The following TNFRSF10B variants were observed in gnomAD, a reference collection of about 807,000 sequenced individuals.
TNFRSF10B encodes tumor necrosis factor receptor superfamily member 10B.
Under a neutral mutation model 41.4 loss-of-function variants are expected in TNFRSF10B, and 35 were observed. The observed-to-expected ratio is 0.85, with a 90% CI of 0.65 to 1.12. TNFRSF10B has a LOEUF of 1.12. TNFRSF10B is among the 50% of genes most tolerant of loss of function. The pLI is 0.00. For missense variants in TNFRSF10B, 584 were observed against 552.7 expected, an observed-to-expected ratio of 1.06 and a Z score of -0.57; for synonymous variants, 230 against 215.5, an observed-to-expected ratio of 1.07 and a Z score of -0.59.
Position 23,064,498 on chromosome 8 carries a change from G to A in TNFRSF10B, c.144+4253C>T, listed in dbSNP as rs377766367. 6.6e-5 allele frequency among the ~76,000 whole-genome samples: 10 copies of A among 152,146 alleles called. No individual in the cohort carries two copies. The South Asian group carries it at 2.1e-3, about 32-fold the overall frequency. ...GTTGGGCCACAGAAATGGGCTCATG[G>A]GGGTGTCCATGGGCATGGTTAAGAG... On this transcript the variant is annotated intron_variant, in intron 1 of 8. Transcript: ENST00000276431.
rs1813087944 is a variant in TNFRSF10B, at chr8:23,068,906, A to T, written c.-12T>A. 1 of 1,613,124 alleles carries T rather than the reference A, an allele frequency of 6.2e-7. No individual in the cohort carries two copies. The highest frequency in any genetic ancestry group is 8.5e-7 in the Non-Finnish European group (1 of 1,179,904). ...CCCCGTTGTTCCATGGCGGTAGGGAACGCTCTTATAGTCTCTCAGGCCCGT... is the reference window on the plus strand; with the variant it reads ...CCCCGTTGTTCCATGGCGGTAGGGATCGCTCTTATAGTCTCTCAGGCCCGT... On this transcript the variant is annotated 5_prime_UTR_variant, in exon 1 of 9. Transcript: ENST00000276431.
chr8:23,036,460 G>A (rs1272435647), intron 2 of TNFRSF10B, among the ~76,000 whole-genome samples: 1 of 152,176 alleles, frequency 6.6e-6, no homozygotes, highest in Non-Finnish European at 1.5e-5. Context: ...GTTTACAGAT[G>A]GTTCTGCACC....
chr8:23,043,775 G>A (rs895519643), intron 1 of TNFRSF10B, among the ~76,000 whole-genome samples: 3 of 152,192 alleles, frequency 2.0e-5, no homozygotes, highest in African/African-American at 7.2e-5. Context: ...AAATGAACTT[G>A]CACGTACAAC....
chr8:23,054,011 A>G (rs1812593959), intron 1 of TNFRSF10B, among the ~76,000 whole-genome samples: 1 of 152,202 alleles, frequency 6.6e-6, no homozygotes, highest in African/African-American at 2.4e-5. Flanking sequence ...CTTGTCATCA[A>G]TTGTGTCTTT....
chr8:23,033,048 G>C (rs1367072776), intron 2 of TNFRSF10B, among the ~76,000 whole-genome samples: 1 of 152,168 alleles, frequency 6.6e-6, no homozygotes, highest in African/African-American at 2.4e-5. Flanking sequence ...GCCCAGAAGG[G>C]AGTGGGTAAC....
At chr8:23,041,845 T>C (rs79649969) in intron 2 of TNFRSF10B, among the ~76,000 whole-genome samples, 7,967 of 152,196 alleles carry the variant, frequency 0.052, 227 homozygotes, top group African/African-American at 0.067. Context: ...GCTCAGCCCA[T>C]TGCAGTCCTG....
At position 23,027,209 on chromosome 8, in the gene TNFRSF10B, T is replaced by C; in HGVS notation, c.860A>G (p.Gln287Arg). The C allele has an allele frequency of 6.2e-7, 1 of 1,614,234 alleles. No homozygotes were observed. Among genetic ancestry groups the C allele is most frequent in the African/African-American group, 1.3e-5 (1 of 75,054 alleles). The change falls in exon 7 of 9, where the codon CAG (glutamine) becomes CGG (arginine). Residue 287 changes from glutamine (Q) to arginine (R), a missense_variant. Physicochemically the swap from Gln to Arg is conservative, Grantham distance 43. Coordinates refer to ENST00000276431, the MANE Select transcript of TNFRSF10B (RefSeq NM_003842.5). ...SILQPTQVPE[Q>R]EMEVQEPAEP... Reference sequence around the variant, plus strand: ...TGCTGGCTCCTGGACTTCCATTTCCTGCTCAGGGACCTGGGTGGGCTGCAA... The same window carrying C: ...TGCTGGCTCCTGGACTTCCATTTCCCGCTCAGGGACCTGGGTGGGCTGCAA...
chr8:23,037,034 T>C (rs1021082666), intron 2 of TNFRSF10B, among the ~76,000 whole-genome samples: 5 of 152,256 alleles, frequency 3.3e-5, no homozygotes, highest in South Asian at 2.1e-4. Flanking sequence ...GGTGTGTGGA[T>C]AGACCTTTCT....
rs143206963 is a variant in TNFRSF10B, at chr8:23,067,742, T to G, written c.144+1009A>C. Among the ~76,000 whole-genome samples, 472 of 152,320 alleles carry G rather than the reference T, an allele frequency of 3.1e-3. 1 individual carries two copies. Among genetic ancestry groups the G allele is most frequent in the African/African-American group, 0.011 (437 of 41,574 alleles). On this transcript the variant is annotated intron_variant, in intron 1 of 8. Transcript: ENST00000276431. ...GTAACAATATCCCATGAAACTCCAATGCTTCACACTGACATTCTTCTAGGT... is the reference window on the plus strand; with the variant it reads ...GTAACAATATCCCATGAAACTCCAAGGCTTCACACTGACATTCTTCTAGGT...
chr8:23,022,641 G>T lies in TNFRSF10B; in HGVS notation c.*30C>A. 1 of 1,613,388 alleles carries T rather than the reference G, an allele frequency of 6.2e-7. No homozygotes were observed. Among genetic ancestry groups the T allele is most frequent in the Non-Finnish European group, 8.5e-7 (1 of 1,179,570 alleles). ...TTTTCCAGAAAAAAGGTAAACCAGGGAAGGTCTGACTTCCTGAAGAGAATC... is the reference window on the plus strand; with the variant it reads ...TTTTCCAGAAAAAAGGTAAACCAGGTAAGGTCTGACTTCCTGAAGAGAATC... On this transcript the variant is annotated 3_prime_UTR_variant, in exon 9 of 9. Transcript: ENST00000276431.
intron 1 of TNFRSF10B, among the ~76,000 whole-genome samples, chr8:23,057,834 C>T (rs189828885): frequency 6.6e-6 from 1 of 152,262 alleles, no homozygotes; most frequent in African/African-American, 2.4e-5. Context: ...ATATTCTTTA[C>T]CTTAAAATCC....
rs1812134761 is a variant in TNFRSF10B, at chr8:23,040,261, T to G, written c.250+2877A>C. 2.2e-5 allele frequency among the ~76,000 whole-genome samples: 3 copies of G among 137,796 alleles called. 1 individual carries two copies. Among genetic ancestry groups the G allele is most frequent in the Non-Finnish European group, 4.6e-5 (3 of 65,638 alleles). 90.4% of individuals were successfully genotyped at this position (137,796 alleles called of 152,430 possible). ...CTAAGTATATATTTAAATATATATTTATTAAATATATATATAATATATATT... is the reference window on the plus strand; with the variant it reads ...CTAAGTATATATTTAAATATATATTGATTAAATATATATATAATATATATT... On this transcript the variant is annotated intron_variant, in intron 2 of 8. Coordinates refer to ENST00000276431, the MANE Select transcript of TNFRSF10B (RefSeq NM_003842.5).
Position 23,059,395 on chromosome 8 carries a change from T to C in TNFRSF10B, c.144+9356A>G, listed in dbSNP as rs961356135. ...TCATCTGCTAATCCTGTTTTTACTTTTGAGGAACTATCATACTGTTTTCCA... is the reference window on the plus strand; with the variant it reads ...TCATCTGCTAATCCTGTTTTTACTTCTGAGGAACTATCATACTGTTTTCCA... On this transcript the variant is annotated intron_variant, in intron 1 of 8. Transcript: ENST00000276431. 3.3e-5 allele frequency among the ~76,000 whole-genome samples: 5 copies of C among 152,368 alleles called. No homozygotes were observed. In the East Asian group the frequency reaches 9.6e-4, roughly 29 times the overall value.
At chr8:23,049,559 G>C (rs1812461179) in intron 1 of TNFRSF10B, among the ~76,000 whole-genome samples, 1 of 152,224 alleles carries the variant, frequency 6.6e-6, no homozygotes, top group African/African-American at 2.4e-5. Context: ...TCAGACCTTA[G>C]TTATAGATTC....
chr8:23,028,542 G>A lies in TNFRSF10B; in HGVS notation c.537C>T (p.Val179=), dbSNP rs753770366. Residue 179 remains valine (V), a synonymous_variant, in exon 5 of 9, where the codon GTC becomes GTT. Transcript: ENST00000276431. Reference sequence around the variant, plus strand: ...TGTGCTTTGTACCTGATTCTTTGTGGACACATTCGATGTCACTCCAGGGTG... The same window carrying A: ...TGTGCTTTGTACCTGATTCTTTGTGAACACATTCGATGTCACTCCAGGGTG... The part of the protein sequence containing the change: ...DCTPWSDIEC[V]HKESGTKHSG... The A allele has an allele frequency of 5.0e-6, 8 of 1,613,922 alleles. No homozygotes were observed. The East Asian group carries it at 1.3e-4, about 27-fold the overall frequency.
At position 23,046,631 on chromosome 8, in the gene TNFRSF10B, A is replaced by C. The variant is rs533077840; in HGVS notation, c.145-3388T>G. On this transcript the variant is annotated intron_variant, in intron 1 of 8. Coordinates refer to ENST00000276431, the MANE Select transcript of TNFRSF10B (RefSeq NM_003842.5). ...ATGCAACCATAAAAAAAAAAAAAAA[A>C]AAACACAAATAGCCAAGGCAATCAT... Among the ~76,000 whole-genome samples, 569 of 148,612 alleles carry C rather than the reference A, an allele frequency of 3.8e-3. 3 individuals carry two copies. The highest frequency in any genetic ancestry group is 0.013 in the African/African-American group (522 of 39,298).
At chr8:23,046,241 G>A (rs1563317422) in intron 1 of TNFRSF10B, among the ~76,000 whole-genome samples, 1 of 152,114 alleles carries the variant, frequency 6.6e-6, no homozygotes, top group African/African-American at 2.4e-5. Context: ...ATTCAGTAAG[G>A]TTGTGGGATA....
chr8:23,032,650 T>G (rs1811915873), intron 2 of TNFRSF10B, among the ~76,000 whole-genome samples: 1 of 152,268 alleles, frequency 6.6e-6, no homozygotes, highest in Non-Finnish European at 1.5e-5. Context: ...ACATGGAATA[T>G]CTTCCTGTTT....
intron 1 of TNFRSF10B, among the ~76,000 whole-genome samples, chr8:23,063,389 C>G (rs1812888445): frequency 6.6e-6 from 1 of 151,842 alleles, no homozygotes; most frequent in Non-Finnish European, 1.5e-5. Context: ...CATTTCATCT[C>G]TATTCAGATT....
Sources: allele counts gnomAD v4.1 joint callset (sites outside exome capture counted in the v4.1 genomes callset), GRCh38; gene constraint gnomAD v4.1.1; transcripts MANE v1.5; gene names NCBI Gene and HGNC (gene_info 2026-07-23, HGNC 2026-07-21).